MPP4: variants seen among roughly 807,000 people sequenced by gnomAD.
MPP4 encodes the protein MAGUK p55 subfamily member 4.
Under a neutral mutation model 98.3 loss-of-function variants are expected in MPP4, and 91 were observed. The ratio of observed to expected loss-of-function variants is 0.93; its 90% CI spans 0.78 to 1.10. MPP4 has a LOEUF of 1.10. MPP4 is among the 50% of genes least tolerant of loss of function. The pLI, the probability that MPP4 is intolerant of heterozygous loss-of-function variation, is 0.00. For synonymous variants in MPP4, 261 were observed against 271.8 expected (o/e 0.96, Z 0.39); for missense variants, 744 against 792.9 (o/e 0.94, Z 0.74).
chr2:201,660,461 G>T, intron 14 of MPP4, 115 bp from the exon 15 acceptor site: 1 of 1,122,358 alleles, frequency 8.9e-7, no homozygotes, highest in Non-Finnish European at 1.4e-6. Context: ...GTCACCACTA[G>T]CAAAAGGTAA....
chr2:201,677,704 A>G (rs992850252), intron 10 of MPP4, among the ~76,000 whole-genome samples: 2 of 152,196 alleles, frequency 1.3e-5, no homozygotes, highest in African/African-American at 4.8e-5. Flanking sequence ...CTCAGTCCAT[A>G]TCTATTGAAT....
chr2:201,667,483 C>T (rs1015180573), intron 12 of MPP4, among the ~76,000 whole-genome samples: 1 of 152,210 alleles, frequency 6.6e-6, no homozygotes, highest in Admixed American at 6.5e-5. Flanking sequence ...GGGACTGCCT[C>T]ACTAGTTTTT....
At chr2:201,647,281 A>T (rs1005080480) in intron 21 of MPP4, among the ~76,000 whole-genome samples, 1 of 152,156 alleles carries the variant, frequency 6.6e-6, no homozygotes, top group African/African-American at 2.4e-5. Flanking sequence ...AAATACAAAC[A>T]CCAGGCTCAT....
intron 3 of MPP4, among the ~76,000 whole-genome samples, chr2:201,691,192 A>G (rs2105948542): frequency 6.6e-6 from 1 of 152,310 alleles, no homozygotes; most frequent in Admixed American, 6.5e-5. Context: ...ATCCTGTGGG[A>G]AAATGCCTGA....
chr2:201,687,305 C>A lies in MPP4; in HGVS notation c.346G>T (p.Ala116Ser). Residue 116 changes from alanine to serine, a missense_variant, in exon 5 of 22, where the codon GCT becomes TCT. Transcript: ENST00000409474. ...CAGGCACTTGCCTTGAAGTGTGGAG[C>A]CTGGAGCATTTGTCTCAGCTCTTGG... ...EIQELRQMLQ[A>S]PHFKALLSAH... 6.3e-7 allele frequency: 1 copy of A among 1,577,578 alleles called. No homozygotes were observed.
intron 18 of MPP4, among the ~76,000 whole-genome samples, chr2:201,652,614 A>T (rs1454296997): frequency 6.6e-6 from 1 of 152,192 alleles, no homozygotes; most frequent in Admixed American, 6.5e-5. Flanking sequence ...ATAATCATCA[A>T]AATTATAAAC....
chr2:201,670,753 T>A (rs1331442026), intron 11 of MPP4, among the ~76,000 whole-genome samples: 1 of 152,186 alleles, frequency 6.6e-6, no homozygotes, highest in Admixed American at 6.5e-5. Context: ...TCTGATAAGA[T>A]GTTAAGTGGC....
chr2:201,689,052 G>T (rs745465392), intron 4 of MPP4, among the ~76,000 whole-genome samples: 2 of 152,178 alleles, frequency 1.3e-5, no homozygotes, highest in Admixed American at 6.5e-5. Context: ...TTTAGGCCAG[G>T]TGTGGTGGCT....
chr2:201,650,007 T>C (rs1687672994), intron 19 of MPP4, 65 bp downstream of exon 19: 2 of 1,426,138 alleles, frequency 1.4e-6, no homozygotes, highest in Non-Finnish European at 1.9e-6. Context: ...TACATAAAAA[T>C]AGGGAATCTA....
At chr2:201,655,817 T>C (rs1448258290) in intron 17 of MPP4, among the ~76,000 whole-genome samples, 2 of 152,202 alleles carry the variant, frequency 1.3e-5, no homozygotes, top group Non-Finnish European at 2.9e-5. Context: ...GAATTTAACA[T>C]ATTTCTCAGG....
chr2:201,689,350 A>C (rs73053643), intron 4 of MPP4, among the ~76,000 whole-genome samples: 4,668 of 152,278 alleles, frequency 0.031, 76 homozygotes, highest in African/African-American at 0.043. Flanking sequence ...AAACAAAAAA[A>C]GAGCTTTGGT....
At chr2:201,651,097 T>G (rs1337473808) in intron 18 of MPP4, 17 of 985,296 alleles carry the variant, frequency 1.7e-5, no homozygotes, top group Non-Finnish European at 2.0e-5. Flanking sequence ...TTAATCTATA[T>G]TACCATTAGT....
intron 7 of MPP4, among the ~76,000 whole-genome samples, chr2:201,684,602 T>C (rs572738840): frequency 6.6e-6 from 1 of 152,316 alleles, no homozygotes; most frequent in South Asian, 2.1e-4. Flanking sequence ...TCTTCTTTCT[T>C]TACTGCTTTA....
intron 5 of MPP4, 21 bp from the exon 6 acceptor site, chr2:201,686,071 G>T (rs755609452): frequency 6.2e-7 from 1 of 1,607,926 alleles, no homozygotes; most frequent in African/African-American, 1.3e-5. Flanking sequence ...GGAAGGAAAA[G>T]GTGAGCAAAT....
At chr2:201,650,434 T>C in intron 18 of MPP4, 2 of 985,426 alleles carry the variant, frequency 2.0e-6, no homozygotes, top group Non-Finnish European at 2.4e-6. Context: ...GGAACACCTG[T>C]TATTACTTCA....
intron 3 of MPP4, 122 bp from the exon 4 acceptor site, chr2:201,690,401 G>T: frequency 1.7e-6 from 1 of 576,550 alleles, no homozygotes; most frequent in South Asian, 2.7e-5. Flanking sequence ...ACAGCACGGT[G>T]TGGTTGGTGT....
intron 11 of MPP4, chr2:201,674,943 G>A: frequency 3.5e-6 from 2 of 579,112 alleles, no homozygotes; most frequent in Admixed American, 2.4e-5. Flanking sequence ...CAGTACAAGA[G>A]GACAGCTTCA....
intron 1 of MPP4, among the ~76,000 whole-genome samples, chr2:201,695,707 CCT>C (rs1037591860): frequency 1.3e-5 from 2 of 152,030 alleles, no homozygotes; most frequent in Non-Finnish European, 2.9e-5. Flanking sequence ...TCTCTTGGCC[CCT>C]GTTAGAGCCA....
chr2:201,675,237 G>A lies in MPP4; in HGVS notation c.964C>T (p.Gln322Ter). The change falls in exon 11 of 22, where the codon CAG becomes TAG. Residue 322 changes from glutamine to a stop codon, truncating the protein, a stop_gained. Transcript: ENST00000409474. LOFTEE classifies it high-confidence loss of function. ...GTTGACTTGAGGCAGGTGTGAGGCT[G>A]GTACGGCTGAGACCACCAGAATTCC... ...QREFWWSQPY[Q>*]PHTCLKSTLS... 1.2e-6 allele frequency: 2 copies of A among 1,609,430 alleles called. No homozygotes were observed. The highest frequency in any genetic ancestry group is 1.1e-5 in the South Asian group (1 of 89,552).
Sources: allele counts gnomAD v4.1 joint callset (sites outside exome capture counted in the v4.1 genomes callset), GRCh38; gene constraint gnomAD v4.1.1; transcripts MANE v1.5; gene names NCBI Gene and HGNC (gene_info 2026-07-23, HGNC 2026-07-21).